The following VTI1A variants were observed in gnomAD, a reference collection of about 807,000 sequenced individuals.
VTI1A encodes vesicle transport through interaction with t-SNAREs homolog 1A.
VTI1A carries 22 observed loss-of-function variants against 34.9 expected under a neutral mutation model. The ratio of observed to expected loss-of-function variants is 0.63; its 90% CI spans 0.45 to 0.90. VTI1A has a LOEUF of 0.90. VTI1A is among the 40% of genes least tolerant of loss of function. The pLI is 0.00. For missense variants in VTI1A, 268 were observed against 275.6 expected (o/e 0.97, Z 0.20); for synonymous variants, 87 against 97.3 (o/e 0.89, Z 0.62).
intron 5 of VTI1A, among the ~76,000 whole-genome samples, chr10:112,550,248 A>G (rs1217984745): frequency 1.3e-5 from 2 of 152,198 alleles, no homozygotes; most frequent in East Asian, 1.9e-4. Flanking sequence ...CAAATATTAC[A>G]GTGAAGCTTA....
At chr10:112,525,352 G>A (rs1328005037) in intron 3 of VTI1A, among the ~76,000 whole-genome samples, 5 of 152,190 alleles carry the variant, frequency 3.3e-5, no homozygotes, top group African/African-American at 1.2e-4. Flanking sequence ...AGGGCGGGGA[G>A]TGGATGCCAC....
chr10:112,814,529 G>A (rs572997136), intron 7 of VTI1A, among the ~76,000 whole-genome samples: 9 of 152,218 alleles, frequency 5.9e-5, no homozygotes, highest in Non-Finnish European at 7.4e-5. Flanking sequence ...ATCTGGGAGC[G>A]TGTGTCTCCA....
chr10:112,599,022 A>T (rs1844779915), intron 5 of VTI1A, among the ~76,000 whole-genome samples: 1 of 152,176 alleles, frequency 6.6e-6, no homozygotes. Context: ...TCCTCCGTTC[A>T]CCATTTCTCC....
chr10:112,475,932 T>C (rs1266229436), intron 3 of VTI1A, among the ~76,000 whole-genome samples: 1 of 152,230 alleles, frequency 6.6e-6, no homozygotes. Context: ...GACACTGTGT[T>C]GAATGTTTTA....
At chr10:112,812,172 G>T (rs1352477792) in intron 7 of VTI1A, among the ~76,000 whole-genome samples, 1 of 152,202 alleles carries the variant, frequency 6.6e-6, no homozygotes, top group African/African-American at 2.4e-5. Context: ...TTGCCTGGAG[G>T]CAATTTAGCC....
At chr10:112,734,819 A>G (rs1237046636) in intron 7 of VTI1A, among the ~76,000 whole-genome samples, 1 of 151,816 alleles carries the variant, frequency 6.6e-6, no homozygotes, top group Non-Finnish European at 1.5e-5. Context: ...TGCCAGGCTA[A>G]TTTTTTTGTA....
intron 3 of VTI1A, among the ~76,000 whole-genome samples, chr10:112,495,196 CTTTT>C (rs751870581): frequency 3.8e-5 from 3 of 79,028 alleles, no homozygotes; most frequent in South Asian, 4.4e-4. Context: ...CAGTAATGGT[CTTTT>C]TTTTTTTTTT....
intron 4 of VTI1A, among the ~76,000 whole-genome samples, chr10:112,531,063 T>TCACACACA (rs10670312): frequency 0.079 from 10,984 of 139,730 alleles, 501 homozygotes; most frequent in Middle Eastern, 0.096. Flanking sequence ...GTGACACACC[T>TCACACACA]CACACACACA....
In VTI1A at chr10:112,736,660, G is replaced by C; in HGVS notation, c.560+67662G>C. 3.2e-6 allele frequency: 5 copies of C among 1,549,216 alleles called. No individual in the cohort carries two copies. The South Asian group carries it at 4.8e-5, about 15-fold the overall frequency. On this transcript the variant is annotated intron_variant, in intron 7 of 7. Transcript: ENST00000393077. ...AAATTGGAAACAAGTATACAAACTA[G>C]TGCATTTAGCAATGAGGGATGGTGA...
chr10:112,568,173 T>G (rs965262553), intron 5 of VTI1A, among the ~76,000 whole-genome samples: 5 of 152,126 alleles, frequency 3.3e-5, no homozygotes, highest in Admixed American at 6.5e-5. Flanking sequence ...AAAATAAGTT[T>G]GTGGTCTCAG....
At position 112,542,522 on chromosome 10, in the gene VTI1A, G is replaced by A. The variant is rs1392163737; in HGVS notation, c.427+4192G>A. Among the ~76,000 whole-genome samples, 9 of 152,110 alleles carry A rather than the reference G, an allele frequency of 5.9e-5. No homozygotes were observed. In the South Asian group the frequency reaches 1.2e-3, roughly 21 times the overall value. On this transcript the variant is annotated intron_variant, in intron 5 of 7. Transcript: ENST00000393077. ...CCCAGGTGGCCACTGATCTCTCCAC[G>A]ACAGGGAGCTAACATTCTGTGAGCC... is the stretch of plus-strand genomic sequence containing the variant.
At chr10:112,585,501 A>G (rs951690206) in intron 5 of VTI1A, among the ~76,000 whole-genome samples, 6 of 152,220 alleles carry the variant, frequency 3.9e-5, no homozygotes, top group African/African-American at 1.2e-4. Context: ...TCATCCTAAC[A>G]TATGCAATGA....
chr10:112,806,783 C>T (rs988015323), intron 7 of VTI1A, among the ~76,000 whole-genome samples: 2 of 149,520 alleles, frequency 1.3e-5, no homozygotes, highest in African/African-American at 4.9e-5. Context: ...ATGAGGGTCT[C>T]TCTATGTTGC....
chr10:112,519,453 T>C (rs1409902669), intron 3 of VTI1A, among the ~76,000 whole-genome samples: 2 of 152,158 alleles, frequency 1.3e-5, no homozygotes, highest in African/African-American at 4.8e-5. Context: ...TCGATCTTGA[T>C]TGGTGTCCAA....
chr10:112,700,999 A>G (rs544925548), intron 7 of VTI1A, among the ~76,000 whole-genome samples: 1 of 152,360 alleles, frequency 6.6e-6, no homozygotes, highest in East Asian at 1.9e-4. Context: ...TTAGGTTGCA[A>G]AGAGAGTTAA....
Position 112,625,695 on chromosome 10 carries a change from AG to A in VTI1A, c.428-42521del, listed in dbSNP as rs1845899250. Among the ~76,000 whole-genome samples the A allele has an allele frequency of 2.6e-5, 4 of 151,220 alleles. No individual in the cohort carries two copies. The South Asian group carries it at 8.3e-4, about 32-fold the overall frequency. On this transcript the variant is annotated intron_variant, in intron 5 of 7. Transcript: ENST00000393077. ...ATCTTCTCACTCATAAGTAGGAGCT[AG>A]GCTGTGAGGATGCAGAGGCATAAGA...
At chr10:112,506,953 G>GT (rs201026504) in intron 3 of VTI1A, among the ~76,000 whole-genome samples, 11,901 of 140,242 alleles carry the variant, frequency 0.085, 729 homozygotes, top group East Asian at 0.29. Context: ...TTTTATGGGT[G>GT]TTTTTTTTTT....
chr10:112,530,946 T>C (rs1390081320), intron 4 of VTI1A, among the ~76,000 whole-genome samples: 2 of 152,086 alleles, frequency 1.3e-5, no homozygotes, highest in Non-Finnish European at 2.9e-5. Context: ...CACGATAATG[T>C]GTAAAGGGCG....
At chr10:112,533,703 C>A (rs1478828975) in intron 4 of VTI1A, among the ~76,000 whole-genome samples, 3 of 151,720 alleles carry the variant, frequency 2.0e-5, no homozygotes, top group African/African-American at 7.3e-5. Flanking sequence ...ATCTTTTCTG[C>A]TCACCATCTT....
Sources: gnomAD v4.1 joint callset for allele counts (sites outside exome capture counted in the v4.1 genomes callset) on GRCh38, gnomAD v4.1.1 for gene constraint, MANE v1.5 for transcripts, NCBI Gene and HGNC (gene_info 2026-07-23, HGNC 2026-07-21) for gene names.